The following ANK1 variants were observed in gnomAD, a reference collection of about 807,000 sequenced individuals.
ANK1 encodes the protein ankyrin-1.
Under a neutral mutation model 210.4 loss-of-function variants are expected in ANK1, and 51 were observed. The observed-to-expected ratio is 0.24, with a 90% CI of 0.19 to 0.31. ANK1 has a LOEUF of 0.31. Ranked by LOEUF, ANK1 falls within the 10% of genes least tolerant of loss-of-function variation. The pLI, the probability that ANK1 is intolerant of heterozygous loss-of-function variation, is 1.00. For synonymous variants in ANK1, 967 were observed against 1,025.9 expected, an observed-to-expected ratio of 0.94 and a Z score of 1.10; for missense variants, 2,051 against 2,504.4, an observed-to-expected ratio of 0.82 and a Z score of 3.86.
chr8:41,730,527 G>A (rs866198323), intron 3 of ANK1, among the ~76,000 whole-genome samples: 2 of 150,598 alleles, frequency 1.3e-5, no homozygotes, highest in African/African-American at 4.9e-5. Context: ...CCCATCTGTT[G>A]CCTCCTGAAG....
intron 1 of ANK1, among the ~76,000 whole-genome samples, chr8:41,867,699 T>C (rs1814740182): frequency 1.3e-5 from 2 of 152,212 alleles, no homozygotes; most frequent in Non-Finnish European, 2.9e-5. Flanking sequence ...AAGTCATGGC[T>C]TGGGTTTCTT....
intron 1 of ANK1, among the ~76,000 whole-genome samples, chr8:41,806,816 G>A (rs778946224): frequency 2.6e-5 from 4 of 152,194 alleles, no homozygotes; most frequent in African/African-American, 4.8e-5. Flanking sequence ...TTTCCATGAC[G>A]ATTGTCCAGT....
Position 41,714,184 on chromosome 8 carries a change from C to T in ANK1, c.1772G>A (p.Arg591Gln), listed in dbSNP as rs201459848. 2.8e-5 allele frequency: 41 copies of T among 1,461,582 alleles called. 1 individual carries two copies. Among genetic ancestry groups the T allele is most frequent in the Admixed American group, 5.9e-5 (3 of 50,934 alleles). 90.5% of individuals were successfully genotyped at this position (1,461,582 alleles called of 1,614,324 possible). A position where few individuals can be genotyped will look rare whatever the true frequency, so the allele number is the denominator to read the frequency against. ...NLDIVKLLLP[R>Q]GGSPHSPAWN... The stretch of plus-strand genomic sequence containing the variant: ...GGCAGGGCTGTGCGGGGAGCCGCCC[C>T]GGGGAAGCAGCAGCTTGACGATGTC... The change falls in exon 16 of 43, where the codon CGG (arginine) becomes CAG (glutamine). Residue 591 changes from arginine (R) to glutamine (Q), a missense_variant. Physicochemically the swap from Arg to Gln is conservative, Grantham distance 43. This residue lies in a region of ANK1 where 1,413 missense variants were observed against 1,707.4 expected (regional missense o/e 0.83). Transcript: ENST00000289734.
Position 41,758,071 on chromosome 8 carries a change from G to A in ANK1, c.94C>T (p.Leu32=). 6.2e-7 allele frequency: 1 copy of A among 1,614,184 alleles called. No homozygotes were observed. Among genetic ancestry groups the A allele is most frequent in the South Asian group, 1.1e-5 (1 of 91,086 alleles). Residue 32 remains leucine, a synonymous_variant, in exon 2 of 43, where the codon CTG becomes TTG. Coordinates refer to ENST00000289734, the MANE Select transcript of ANK1 (RefSeq NM_000037.4). Reference sequence around the variant, plus strand: ...GTGTTAATATCTACCCCATTCCGCAGGTGATCCAAAGCTTTGTCCAAGTTA... The same window carrying A: ...GTGTTAATATCTACCCCATTCCGCAAGTGATCCAAAGCTTTGTCCAAGTTA... The part of the protein sequence containing the change: ...SGNLDKALDH[L]RNGVDINTCN...
intron 10 of ANK1, 111 bp downstream of exon 10, chr8:41,719,550 G>A: frequency 7.1e-7 from 1 of 1,406,948 alleles, no homozygotes; most frequent in Non-Finnish European, 1.0e-6. Flanking sequence ...CCTCGAATCT[G>A]GGGAGCTCCG....
At chr8:41,763,299 A>G (rs1840880341) in intron 1 of ANK1, among the ~76,000 whole-genome samples, 1 of 152,150 alleles carries the variant, frequency 6.6e-6, no homozygotes, top group Non-Finnish European at 1.5e-5. Flanking sequence ...GGAAAGCTAA[A>G]CCATTTCTGT....
intron 6 of ANK1, among the ~76,000 whole-genome samples, chr8:41,725,402 T>G (rs1830423757): frequency 6.6e-6 from 1 of 152,100 alleles, no homozygotes; most frequent in Non-Finnish European, 1.5e-5. Context: ...CCCCAGCCCC[T>G]GCACGCCTCC....
Position 41,734,089 on chromosome 8 carries a change from G to A in ANK1, c.130-20C>T, listed in dbSNP as rs776991459. The A allele has an allele frequency of 3.7e-5, 60 of 1,603,732 alleles. No homozygotes were observed. The Admixed American group carries it at 4.3e-4, about 12-fold the overall frequency. ...CCCATTCTGTAAAGAGCAGAGAGGC[G>A]GGAAGGGCATGGTTAGTCAAATGGT... On this transcript the variant is annotated intron_variant, in intron 2 of 42. Transcript: ENST00000289734.
At chr8:41,854,226 G>A (rs1811779592) in intron 1 of ANK1, among the ~76,000 whole-genome samples, 1 of 152,160 alleles carries the variant, frequency 6.6e-6, no homozygotes, top group Non-Finnish European at 1.5e-5. Context: ...AAATATTTCA[G>A]CTCGTTTCAG....
In ANK1 at chr8:41,694,695, G is replaced by A. The variant is rs35213384; in HGVS notation, c.3224C>T (p.Thr1075Ile). ...IMSRLCQDYDTIGPEGGSLKS... is the reference protein window; with the variant it reads ...IMSRLCQDYDIIGPEGGSLKS... ...CAGGGAGCCCCCTTCGGGACCGATG[G>A]TGTCGTAGTCCTGGCAGAGCCGTGA... The change falls in exon 28 of 43, where the codon ACC becomes ATC. Residue 1075 changes from threonine to isoleucine, a missense_variant. By Grantham distance (89) the Thr-to-Ile change is moderately conservative. Around this residue, in one of 6 missense-constraint regions of ANK1, gnomAD observed 1,413 missense variants for 1,707.4 expected, o/e 0.83. Transcript: ENST00000289734. The surrounding 1 kb of genome is among the most constrained non-coding windows in gnomAD (Gnocchi z 5.7). 2.4e-3 allele frequency: 3,867 copies of A among 1,614,146 alleles called. 86 individuals carry two copies. The African/African-American group carries it at 0.045, about 19-fold the overall frequency.
chr8:41,699,011 C>G (rs1057498918), intron 23 of ANK1, among the ~76,000 whole-genome samples: 16 of 152,076 alleles, frequency 1.1e-4, no homozygotes, highest in African/African-American at 3.6e-4. Context: ...GTTGGTCAGG[C>G]TGGTCACGAA....
chr8:41,765,475 G>C, intron 1 of ANK1, among the ~76,000 whole-genome samples: 1 of 152,152 alleles, frequency 6.6e-6, no homozygotes, highest in South Asian at 2.1e-4. Context: ...TTGAACTCCT[G>C]GCCTCAAGCA....
chr8:41,723,294 C>A (rs1300014338), intron 8 of ANK1, 71 bp from the exon 9 acceptor site: 7 of 1,501,700 alleles, frequency 4.7e-6, no homozygotes, highest in Admixed American at 1.7e-5. Context: ...GAGAAGACTG[C>A]CTATGGCATC....
Position 41,797,418 on chromosome 8 carries a change from A to G in ANK1, c.27+94T>C. On this transcript the variant is annotated intron_variant, in intron 1 of 42. Coordinates refer to ENST00000289734, the MANE Select transcript of ANK1 (RefSeq NM_000037.4). This position sits in a 1 kb window ranked among gnomAD's most constrained non-coding sequence, Gnocchi z 4.0. ...GGAGGCGAGGCGGGTGGGGTGTGCAAAGCTGCTCTTGCTCGCGTGCTGCCT... is the reference window on the plus strand; with the variant it reads ...GGAGGCGAGGCGGGTGGGGTGTGCAGAGCTGCTCTTGCTCGCGTGCTGCCT... 1 of 1,200,890 alleles carries G rather than the reference A, an allele frequency of 8.3e-7. No individual in the cohort carries two copies. Among genetic ancestry groups the G allele is most frequent in the Non-Finnish European group, 1.2e-6 (1 of 828,980 alleles). The allele number at this position is 1,200,890 out of a possible 1,614,324, so 74.4% of individuals were successfully genotyped here.
chr8:41,831,968 G>A (rs74441194), intron 1 of ANK1, among the ~76,000 whole-genome samples: 3,542 of 152,260 alleles, frequency 0.023, 156 homozygotes, highest in African/African-American at 0.08. Flanking sequence ...TGGGAAAAGG[G>A]AAAATCCAGG....
chr8:41,765,082 C>T (rs1174899812), intron 1 of ANK1, among the ~76,000 whole-genome samples: 3 of 151,640 alleles, frequency 2.0e-5, no homozygotes, highest in Admixed American at 1.3e-4. Flanking sequence ...TCTTTCCTTC[C>T]TTCCTTCTTT....
intron 3 of ANK1, among the ~76,000 whole-genome samples, chr8:41,731,402 G>A (rs1005658046): frequency 1.3e-5 from 2 of 152,146 alleles, no homozygotes; most frequent in Admixed American, 6.5e-5. Context: ...GAGAGAGCAG[G>A]CTTTTTTCCA....
chr8:41,692,549 T>A, intron 31 of ANK1, 99 bp downstream of exon 31: 1 of 1,221,062 alleles, frequency 8.2e-7, no homozygotes, highest in Non-Finnish European at 1.2e-6. Context: ...GCCCCTCGTC[T>A]ACAGAGGGAG....
At chr8:41,678,210 T>G (rs1002310933) in intron 37 of ANK1, among the ~76,000 whole-genome samples, 4 of 152,016 alleles carry the variant, frequency 2.6e-5, no homozygotes, top group African/African-American at 9.7e-5. Context: ...GTAATCTCGG[T>G]CCACTGCAAC....
Sources: allele counts gnomAD v4.1 joint callset (sites outside exome capture counted in the v4.1 genomes callset), GRCh38; gene constraint gnomAD v4.1.1; regional missense constraint gnomAD v4.1.1; non-coding constraint Gnocchi (gnomAD v3.1); transcripts MANE v1.5; gene names NCBI Gene and HGNC (gene_info 2026-07-23, HGNC 2026-07-21).